Variants in TMPRSS4 observed in about 807,000 individuals in gnomAD.
TMPRSS4 encodes the protein transmembrane protease serine 4.
Under a neutral mutation model 56.4 loss-of-function variants are expected in TMPRSS4, and 45 were observed. The observed-to-expected ratio is 0.80, with a 90% CI of 0.63 to 1.02. The LOEUF is 1.02. TMPRSS4 is among the 50% of genes least tolerant of loss of function. The probability of loss-of-function intolerance (pLI) is 0.00; values close to 1 mark genes in which losing one functional copy is unlikely to be tolerated. For synonymous variants in TMPRSS4, 205 were observed against 211.0 expected (o/e 0.97, Z 0.25); for missense variants, 546 against 556.7 (o/e 0.98, Z 0.19).
chr11:118,112,842 T>TTC (rs1555090519), intron 8 of TMPRSS4, among the ~76,000 whole-genome samples: 16 of 149,242 alleles, frequency 1.1e-4, no homozygotes, highest in African/African-American at 3.8e-4. Context: ...TTTTTTTTTT[T>TTC]TGAGATTCTG....
chr11:118,113,127 C>T, intron 8 of TMPRSS4, 142 bp from the exon 9 acceptor site: 1 of 783,318 alleles, frequency 1.3e-6, no homozygotes. Context: ...TGCCCCTTCT[C>T]CACCATCCCT....
At position 118,119,080 on chromosome 11, in the gene TMPRSS4, G is replaced by A. The variant is rs918723896; in HGVS notation, c.*1167G>A. ...TAGATGAAATATACTTGTTCATACT[G>A]TACTAGGTTCTTAGGAAACAACAGA... On this transcript the variant is annotated 3_prime_UTR_variant, in exon 13 of 13. Coordinates refer to ENST00000437212, the MANE Select transcript of TMPRSS4 (RefSeq NM_019894.4). 5 of 985,268 alleles carry A rather than the reference G, an allele frequency of 5.1e-6. No homozygotes were observed. The highest frequency in any genetic ancestry group is 1.2e-4 in the Admixed American group (2 of 16,248). 61.0% of individuals were successfully genotyped at this position (985,268 alleles called of 1,614,324 possible).
intron 2 of TMPRSS4, among the ~76,000 whole-genome samples, chr11:118,096,715 G>A (rs1000400891): frequency 6.6e-6 from 1 of 151,540 alleles, no homozygotes; most frequent in Non-Finnish European, 1.5e-5. Flanking sequence ...GAGCCCAGGA[G>A]GTGGAAGTTG....
In TMPRSS4 at chr11:118,099,005, C is replaced by T. The variant is rs574098457; in HGVS notation, c.64C>T (p.Pro22Ser). ...NSLDVKPLRK[P>S]RIPMETFRKV... The stretch of plus-strand genomic sequence containing the variant: ...TGCAGATGTCAAACCCCTGCGCAAA[C>T]CCCGTATCCCCATGGAGACCTTCAG... Residue 22 changes from proline (P) to serine (S), a missense_variant, in exon 3 of 13, where the codon CCC becomes TCC. Physicochemically the swap from Pro to Ser is moderately conservative, Grantham distance 74 (BLOSUM62 -1). Coordinates refer to ENST00000437212, the MANE Select transcript of TMPRSS4 (RefSeq NM_019894.4). The T allele has an allele frequency of 1.1e-5, 18 of 1,613,870 alleles. No homozygotes were observed. In the East Asian group the frequency reaches 3.8e-4, roughly 34 times the overall value.
At chr11:118,107,042 A>G (rs1400689411) in intron 5 of TMPRSS4, 2 of 152,124 alleles carry the variant, frequency 1.3e-5, no homozygotes, top group Non-Finnish European at 2.9e-5. Context: ...TTCTACTAAC[A>G]TTACTAGCAT....
intron 1 of TMPRSS4, among the ~76,000 whole-genome samples, chr11:118,084,034 T>A (rs1945354724): frequency 6.6e-6 from 1 of 152,142 alleles, no homozygotes; most frequent in Non-Finnish European, 1.5e-5. Context: ...CGAGACTCCA[T>A]CTCAAAAACA....
chr11:118,103,371 A>C, intron 4 of TMPRSS4, 118 bp downstream of exon 4: 1 of 334,922 alleles, frequency 3.0e-6, no homozygotes, highest in South Asian at 3.2e-5. Flanking sequence ...TTGTTGTATA[A>C]GGTTCTTTGT....
At chr11:118,104,889 C>T in intron 5 of TMPRSS4, 69 bp downstream of exon 5, 1 of 1,452,594 alleles carries the variant, frequency 6.9e-7, no homozygotes, top group Non-Finnish European at 9.1e-7. Context: ...TTCCTTCCTC[C>T]CTTCTTCTCT....
intron 2 of TMPRSS4, among the ~76,000 whole-genome samples, chr11:118,097,911 C>T (rs1405170843): frequency 6.6e-6 from 1 of 152,212 alleles, no homozygotes; most frequent in African/African-American, 2.4e-5. Context: ...GCTGGGATTA[C>T]AGGCATGCAC....
At chr11:118,107,728 C>G in intron 5 of TMPRSS4, 46 bp from the exon 6 acceptor site, 1 of 1,556,656 alleles carries the variant, frequency 6.4e-7, no homozygotes, top group Non-Finnish European at 8.8e-7. Flanking sequence ...CTTGTTCTAA[C>G]CCCCTGCCCC....
At chr11:118,097,703 T>C (rs1442759695) in intron 2 of TMPRSS4, among the ~76,000 whole-genome samples, 2 of 152,136 alleles carry the variant, frequency 1.3e-5, no homozygotes, top group African/African-American at 4.8e-5. Context: ...AGTGATAAGC[T>C]CCTACCTGGT....
chr11:118,083,167 C>T (rs1945286673), intron 1 of TMPRSS4, among the ~76,000 whole-genome samples: 1 of 152,244 alleles, frequency 6.6e-6, no homozygotes. Flanking sequence ...TTTGCTCACA[C>T]ATCTGTTTCT....
Position 118,115,270 on chromosome 11 carries a change from A to G in TMPRSS4, c.1142A>G (p.Asp381Gly). 1.2e-6 allele frequency: 2 copies of G among 1,612,420 alleles called. No homozygotes were observed. Reference sequence around the variant, plus strand: ...GCAGGCATCCCGGAAGGGGGTGTGGACACCTGCCAGGTGGGGCCTCCAAGA... The same window carrying G: ...GCAGGCATCCCGGAAGGGGGTGTGGGCACCTGCCAGGTGGGGCCTCCAAGA... ...MCAGIPEGGV[D>G]TCQGDSGGPL... Residue 381 changes from aspartate to glycine, a missense_variant, in exon 11 of 13, where the codon GAC becomes GGC. Transcript: ENST00000437212.
chr11:118,106,486 A>ATT (rs1243077823), intron 5 of TMPRSS4: 3 of 141,760 alleles, frequency 2.1e-5, no homozygotes, highest in Admixed American at 7.1e-5. Flanking sequence ...TAGTCCACGC[A>ATT]TCTTTTTTTT....
At chr11:118,095,218 G>A (rs890306441) in intron 2 of TMPRSS4, 29 of 199,282 alleles carry the variant, frequency 1.5e-4, no homozygotes, top group African/African-American at 6.4e-4. Flanking sequence ...AGTCCCTGGT[G>A]TCATGGAGTT....
At chr11:118,079,846 C>T (rs1458951813) in intron 1 of TMPRSS4, among the ~76,000 whole-genome samples, 1 of 152,230 alleles carries the variant, frequency 6.6e-6, no homozygotes, top group African/African-American at 2.4e-5. Flanking sequence ...GAAGCCCACT[C>T]GGCCCTGGCA....
At chr11:118,114,447 G>A (rs1401576893) in intron 9 of TMPRSS4, among the ~76,000 whole-genome samples, 1 of 152,244 alleles carries the variant, frequency 6.6e-6, no homozygotes, top group East Asian at 1.9e-4. Context: ...GCCACCTGTG[G>A]CTTCCATGGG....
At position 118,097,505 on chromosome 11, in the gene TMPRSS4, T is replaced by C. The variant is rs142471535; in HGVS notation, c.44-1480T>C. ...GGGTTTCCAGAATTCTTGCCCCATC[T>C]CCCCCAGGGCAGAAGTCCCCATGGC... On this transcript the variant is annotated intron_variant, in intron 2 of 12. Coordinates refer to ENST00000437212, the MANE Select transcript of TMPRSS4 (RefSeq NM_019894.4). Among the ~76,000 whole-genome samples, 366 of 151,802 alleles carry C rather than the reference T, an allele frequency of 2.4e-3. 9 individuals carry two copies. The East Asian group carries it at 0.057, about 24-fold the overall frequency.
intron 1 of TMPRSS4, among the ~76,000 whole-genome samples, chr11:118,078,341 AAG>A (rs1944857278): frequency 6.6e-6 from 1 of 152,182 alleles, no homozygotes; most frequent in South Asian, 2.1e-4. Context: ...AAGGGAAGGG[AAG>A]AGAGGAAAGG....
Sources: gnomAD v4.1 joint callset for allele counts (sites outside exome capture counted in the v4.1 genomes callset) on GRCh38, gnomAD v4.1.1 for gene constraint, MANE v1.5 for transcripts, NCBI Gene and HGNC (gene_info 2026-07-23, HGNC 2026-07-21) for gene names.